Variants in LINGO2 observed in about 807,000 individuals in gnomAD.
The protein encoded by LINGO2 is leucine-rich repeat and immunoglobulin-like domain-containing nogo receptor-interacting protein 2.
In LINGO2, 14 loss-of-function variants were observed where a neutral mutation model predicts 30.6. The ratio of observed to expected loss-of-function variants is 0.46; its 90% confidence interval spans 0.30 to 0.72. The LOEUF (loss-of-function observed/expected upper bound fraction) is 0.72. LINGO2 is among the 30% of genes least tolerant of loss of function. LINGO2 has a pLI of 0.07. For synonymous variants in LINGO2, 317 were observed against 288.5 expected (o/e 1.10, Z -1.00); for missense variants, 729 against 751.7 (o/e 0.97, Z 0.35).
At chr9:28,968,982 G>T in the LINGO2 span, among the ~76,000 whole-genome samples, 2 of 152,126 alleles carry the variant, frequency 1.3e-5, no homozygotes, top group East Asian at 1.9e-4. Flanking sequence ...AGAGAATGTG[G>T]GAGCACAAGT....
rs368293936 is a variant in LINGO2 at position 28,553,940 on chromosome 9, G to A, written c.-364-77915C>T. On this transcript the variant is annotated intron_variant, in intron 1 of 5. Transcript: ENST00000379992. Reference sequence around the variant, plus strand: ...GAGAAATAAAATACTTTACAGACAAGCAAATGCTGAGAGATTTTGTCACCA... The same window carrying A: ...GAGAAATAAAATACTTTACAGACAAACAAATGCTGAGAGATTTTGTCACCA... Among the ~76,000 whole-genome samples the A allele has an allele frequency of 1.7e-3, 255 of 152,072 alleles. 10 individuals are homozygous for A. In the East Asian group the frequency reaches 0.042, roughly 25 times the overall value.
intron 1 of LINGO2, among the ~76,000 whole-genome samples, chr9:28,544,203 CA>C (rs139367286): frequency 6.0e-5 from 9 of 149,812 alleles, no homozygotes; most frequent in South Asian, 4.2e-4. Context: ...AAACCAATCT[CA>C]AAAAAAAATA....
chr9:28,702,252 T>C, the LINGO2 span, among the ~76,000 whole-genome samples: 2 of 151,780 alleles, frequency 1.3e-5, no homozygotes, highest in Non-Finnish European at 2.9e-5. Flanking sequence ...GAAGTTAACT[T>C]TAGAATTTTT....
intron 4 of LINGO2, among the ~76,000 whole-genome samples, chr9:28,184,750 C>A (rs1203796596): frequency 6.6e-6 from 1 of 152,068 alleles, no homozygotes; most frequent in East Asian, 1.9e-4. Flanking sequence ...TAAACAACAA[C>A]ACACTTTAAC....
At chr9:29,141,938 A>G in the LINGO2 span, among the ~76,000 whole-genome samples, 1 of 151,918 alleles carries the variant, frequency 6.6e-6, no homozygotes, top group Non-Finnish European at 1.5e-5. Context: ...TGAAGGATGA[A>G]AAGATGACAA....
At chr9:29,102,283 G>A in the LINGO2 span, among the ~76,000 whole-genome samples, 13 of 151,932 alleles carry the variant, frequency 8.6e-5, no homozygotes, top group Non-Finnish European at 1.5e-4. Flanking sequence ...GGGTTTCACC[G>A]TAGTAGCCAG....
chr9:28,714,949 A>C, the LINGO2 span, among the ~76,000 whole-genome samples: 1 of 152,182 alleles, frequency 6.6e-6, no homozygotes, highest in Non-Finnish European at 1.5e-5. Context: ...AAAAGAGTGA[A>C]TTTAGTGAAT....
intron 1 of LINGO2, among the ~76,000 whole-genome samples, chr9:28,484,743 A>G (rs1826105148): frequency 6.6e-6 from 1 of 152,100 alleles, no homozygotes; most frequent in South Asian, 2.1e-4. Flanking sequence ...TAAAATTTCT[A>G]TTTCCCAAAA....
At chr9:28,432,669 T>C (rs965948221) in intron 2 of LINGO2, among the ~76,000 whole-genome samples, 2 of 152,148 alleles carry the variant, frequency 1.3e-5, no homozygotes, top group Non-Finnish European at 2.9e-5. Flanking sequence ...GAATTCTGTC[T>C]CTATTTTCTT....
intron 2 of LINGO2, among the ~76,000 whole-genome samples, chr9:28,401,286 T>C (rs1252044992): frequency 6.6e-6 from 1 of 151,290 alleles, no homozygotes; most frequent in African/African-American, 2.4e-5. Context: ...CTCCCTCCCC[T>C]TACCCCCAAC....
At chr9:28,725,988 A>G in the LINGO2 span, among the ~76,000 whole-genome samples, 1 of 152,126 alleles carries the variant, frequency 6.6e-6, no homozygotes, top group Non-Finnish European at 1.5e-5. Context: ...ATAATAAAAC[A>G]TGTGCCAAAA....
At chr9:28,430,385 T>A (rs888063342) in intron 2 of LINGO2, among the ~76,000 whole-genome samples, 7 of 152,154 alleles carry the variant, frequency 4.6e-5, no homozygotes, top group Non-Finnish European at 1.0e-4. Flanking sequence ...CATCCTATGC[T>A]CTGTCATAGC....
intron 1 of LINGO2, among the ~76,000 whole-genome samples, chr9:28,511,783 C>T (rs1013970696): frequency 6.6e-6 from 1 of 152,196 alleles, no homozygotes; most frequent in Non-Finnish European, 1.5e-5. Context: ...GAATGGCACA[C>T]CTGGCCTCCA....
At chr9:27,995,265 A>G (rs1293635440) in intron 5 of LINGO2, among the ~76,000 whole-genome samples, 1 of 152,168 alleles carries the variant, frequency 6.6e-6, no homozygotes, top group Admixed American at 6.5e-5. Flanking sequence ...CCCATCATAA[A>G]AAATCCCAGG....
chr9:28,035,412 G>A (rs1823881379), intron 4 of LINGO2, among the ~76,000 whole-genome samples: 1 of 152,152 alleles, frequency 6.6e-6, no homozygotes, highest in Non-Finnish European at 1.5e-5. Context: ...CATTTGTGAA[G>A]GTCTTTTACA....
intron 1 of LINGO2, among the ~76,000 whole-genome samples, chr9:28,584,933 A>ATTTTTTTTTTTT (rs1046279252): frequency 3.6e-4 from 5 of 13,914 alleles, no homozygotes; most frequent in African/African-American, 7.9e-4. Flanking sequence ...ACTGCAAGAG[A>ATTTTTTTTTTTT]TTTTTTTTTT....
At chr9:28,316,830 A>G (rs1196734882) in intron 3 of LINGO2, among the ~76,000 whole-genome samples, 1 of 152,186 alleles carries the variant, frequency 6.6e-6, no homozygotes, top group African/African-American at 2.4e-5. Flanking sequence ...CACCAGGATG[A>G]TTAGTAAAAA....
the LINGO2 span, among the ~76,000 whole-genome samples, chr9:29,196,455 A>G: frequency 6.6e-6 from 1 of 152,048 alleles, no homozygotes; most frequent in Non-Finnish European, 1.5e-5. Context: ...GAAGATTTTT[A>G]AAGTTATAAG....
intron 5 of LINGO2, among the ~76,000 whole-genome samples, chr9:27,962,416 T>C (rs1819892225): frequency 6.6e-6 from 1 of 152,102 alleles, no homozygotes; most frequent in South Asian, 2.1e-4. Flanking sequence ...TGGCCAAAAC[T>C]GAACTAGAAA....
Sources: allele counts gnomAD v4.1 joint callset (sites outside exome capture counted in the v4.1 genomes callset), GRCh38; gene constraint gnomAD v4.1.1; transcripts MANE v1.5; gene names NCBI Gene and HGNC (gene_info 2026-07-23, HGNC 2026-07-21).